Variants in DPP10 observed in about 807,000 individuals in gnomAD.
DPP10 encodes the protein inactive dipeptidyl peptidase 10.
In DPP10, 33 loss-of-function variants were observed where a neutral mutation model predicts 120.9. The ratio of observed to expected loss-of-function variants is 0.27; its 90% CI spans 0.21 to 0.37. The LOEUF is 0.37. Ranked by LOEUF, DPP10 falls within the 10% of genes least tolerant of loss-of-function variation. DPP10 has a pLI of 1.00. For missense variants in DPP10, 816 were observed against 942.8 expected, an observed-to-expected ratio of 0.87 and a Z score of 1.76; for synonymous variants, 337 against 326.1, an observed-to-expected ratio of 1.03 and a Z score of -0.36.
intron 1 of DPP10, among the ~76,000 whole-genome samples, chr2:114,985,407 A>G (rs1420265874): frequency 6.6e-6 from 1 of 152,204 alleles, no homozygotes. Flanking sequence ...GCCACAGTCT[A>G]AATTATCTTG....
chr2:115,168,740 G>T (rs1225064763), intron 1 of DPP10, among the ~76,000 whole-genome samples: 1 of 152,138 alleles, frequency 6.6e-6, no homozygotes, highest in East Asian at 1.9e-4. Flanking sequence ...TGGGAAGTAG[G>T]TTCGGTGGGG....
intron 1 of DPP10, among the ~76,000 whole-genome samples, chr2:114,889,565 T>A (rs1692372946): frequency 6.6e-6 from 1 of 152,088 alleles, no homozygotes; most frequent in African/African-American, 2.4e-5. Flanking sequence ...CTTTTAAACA[T>A]TCTATATAAT....
chr2:115,043,274 A>C (rs1224158781), intron 1 of DPP10, among the ~76,000 whole-genome samples: 1 of 152,214 alleles, frequency 6.6e-6, no homozygotes, highest in Non-Finnish European at 1.5e-5. Flanking sequence ...GAAATGATGC[A>C]TCATCACCTA....
rs113353296 is a variant in DPP10, at chr2:115,669,120, G to T, written c.442-20567G>T. Among the ~76,000 whole-genome samples, 203 of 152,156 alleles carry T rather than the reference G, an allele frequency of 1.3e-3. 1 individual carries two copies. The highest frequency in any genetic ancestry group is 4.4e-3 in the African/African-American group (182 of 41,540). ...TTAGACTAGGGGAATATGTGTTATT[G>T]TTACTGTTATTGAGTAGGACATTGT... On this transcript the variant is annotated intron_variant, in intron 5 of 25. Transcript: ENST00000410059.
Position 114,703,586 on chromosome 2 carries a change from A to G in DPP10, c.60+260748A>G, listed in dbSNP as rs755492156. ...TATCCTTGGGAAAAACTAATTCAGCATGTGTGATTTTAATCAATTTTCATT... is the reference window on the plus strand; with the variant it reads ...TATCCTTGGGAAAAACTAATTCAGCGTGTGTGATTTTAATCAATTTTCATT... On this transcript the variant is annotated intron_variant, in intron 1 of 25. Coordinates refer to ENST00000410059, the MANE Select transcript of DPP10 (RefSeq NM_020868.6). Among the ~76,000 whole-genome samples, 41 of 152,302 alleles carry G rather than the reference A, an allele frequency of 2.7e-4. 1 individual carries two copies. In the Middle Eastern group the frequency reaches 0.01, roughly 38 times the overall value.
chr2:114,564,709 G>T (rs746119902), intron 1 of DPP10, among the ~76,000 whole-genome samples: 1 of 152,138 alleles, frequency 6.6e-6, no homozygotes, highest in Non-Finnish European at 1.5e-5. Context: ...GGAGAAATGA[G>T]GTAGATGAGT....
intron 19 of DPP10, among the ~76,000 whole-genome samples, chr2:115,798,807 G>A (rs546603919): frequency 3.3e-5 from 5 of 152,000 alleles, no homozygotes; most frequent in South Asian, 4.2e-4. Context: ...TTTCAGCATT[G>A]GACTTTAGCA....
At chr2:115,823,910 A>T (rs1688052522) in intron 21 of DPP10, among the ~76,000 whole-genome samples, 1 of 152,216 alleles carries the variant, frequency 6.6e-6, no homozygotes, top group African/African-American at 2.4e-5. Context: ...AGAAAAGATG[A>T]TTGGCAGCTC....
At chr2:114,767,201 TA>T (rs1004486903) in intron 1 of DPP10, among the ~76,000 whole-genome samples, 7 of 7,108 alleles carry the variant, frequency 9.8e-4, no homozygotes, top group South Asian at 8.3e-3. Flanking sequence ...TCAGGTAGGA[TA>T]AAAGCAAAAA....
intron 1 of DPP10, among the ~76,000 whole-genome samples, chr2:115,177,762 T>TTTTTGTTTG (rs1553508443): frequency 1.3e-5 from 2 of 150,726 alleles, no homozygotes; most frequent in African/African-American, 4.9e-5. Flanking sequence ...TTGTTTTTGT[T>TTTTTGTTTG]TTTGTTTGTT....
intron 1 of DPP10, among the ~76,000 whole-genome samples, chr2:115,168,979 A>T (rs868111676): frequency 3.3e-5 from 5 of 152,336 alleles, no homozygotes; most frequent in South Asian, 2.1e-4. Context: ...TCCACAAAAT[A>T]AAAAAAATTT....
intron 1 of DPP10, among the ~76,000 whole-genome samples, chr2:114,447,797 C>T (rs577326503): frequency 2.6e-5 from 4 of 152,176 alleles, no homozygotes; most frequent in South Asian, 2.1e-4. Context: ...TCATTCTAAG[C>T]GGTGATAGCT....
intron 4 of DPP10, among the ~76,000 whole-genome samples, chr2:115,513,948 C>T (rs544082350): frequency 6.6e-6 from 1 of 152,014 alleles, no homozygotes; most frequent in African/African-American, 2.4e-5. Flanking sequence ...TAGAGCGGGG[C>T]TAAAAGTAAC....
intron 1 of DPP10, among the ~76,000 whole-genome samples, chr2:114,990,317 T>C (rs1700682361): frequency 6.6e-6 from 1 of 152,292 alleles, no homozygotes. Flanking sequence ...TCTTCTATGA[T>C]GGCATTCTAT....
rs576405175 is a variant in DPP10 at position 115,545,181 on chromosome 2, T to A, written c.441+19209T>A. On this transcript the variant is annotated intron_variant, in intron 5 of 25. Transcript: ENST00000410059. ...TCCATGTCAATGGCAAAAGGAAAAA[T>A]TTTATTCTCTCCAAAAAAGTTGGTA... Among the ~76,000 whole-genome samples the A allele has an allele frequency of 2.6e-5, 4 of 152,170 alleles. No homozygotes were observed. In the South Asian group the frequency reaches 6.2e-4, roughly 24 times the overall value.
intron 1 of DPP10, among the ~76,000 whole-genome samples, chr2:115,210,275 G>A (rs1280294547): frequency 6.6e-6 from 1 of 152,060 alleles, no homozygotes; most frequent in Non-Finnish European, 1.5e-5. Context: ...GTGGTGTTTG[G>A]TTTTCTGTCC....
At chr2:114,547,359 G>A (rs1364142884) in intron 1 of DPP10, among the ~76,000 whole-genome samples, 5 of 152,310 alleles carry the variant, frequency 3.3e-5, no homozygotes, top group South Asian at 2.1e-4. Context: ...GGGAGGCATC[G>A]GGGTTGGCAC....
intron 3 of DPP10, among the ~76,000 whole-genome samples, chr2:115,461,537 C>A (rs2073984532): frequency 6.6e-6 from 1 of 152,028 alleles, no homozygotes; most frequent in Non-Finnish European, 1.5e-5. Flanking sequence ...TCTCACCACA[C>A]TTATAAGCAA....
chr2:114,863,123 A>C (rs1689956831), intron 1 of DPP10, among the ~76,000 whole-genome samples: 1 of 152,034 alleles, frequency 6.6e-6, no homozygotes, highest in Non-Finnish European at 1.5e-5. Flanking sequence ...ATTTTTCTTG[A>C]TTTTCTAGGT....
Sources: allele counts gnomAD v4.1 joint callset (sites outside exome capture counted in the v4.1 genomes callset), GRCh38; gene constraint gnomAD v4.1.1; transcripts MANE v1.5; gene names NCBI Gene and HGNC (gene_info 2026-07-23, HGNC 2026-07-21).